Variants in CFHR3 observed in about 807,000 individuals in gnomAD.
The protein encoded by CFHR3 is complement factor H-related protein 3.
Under a neutral mutation model 36.0 loss-of-function variants are expected in CFHR3, and 22 were observed. The observed-to-expected ratio is 0.61, with a 90% CI of 0.44 to 0.87. CFHR3 has a LOEUF of 0.87. Among genes scored for constraint, CFHR3 ranks in the 40% least tolerant of loss-of-function variants. The pLI is 0.00. For synonymous variants in CFHR3, 97 were observed against 137.4 expected (o/e 0.71, Z 2.06); for missense variants, 276 against 401.3 (o/e 0.69, Z 2.67).
In CFHR3 at chr1:196,781,085, AAT is replaced by A. The variant is rs1409168350; in HGVS notation, c.430+1113_430+1114del. ...TTTGTCCTTGTGATAGTTTACTGAG[AAT>A]GGTGATTTCCAGTTTCATCCATGTC... On this transcript the variant is annotated intron_variant, in intron 3 of 5. Transcript: ENST00000367425. 4.5e-5 allele frequency among the ~76,000 whole-genome samples: 6 copies of A among 131,944 alleles called. 1 individual carries two copies. The highest frequency in any genetic ancestry group is 2.0e-4 in the African/African-American group (6 of 30,630). 86.6% of individuals were successfully genotyped at this position (131,944 alleles called of 152,430 possible). A position where few individuals can be genotyped will look rare whatever the true frequency, so the allele number is the denominator to read the frequency against.
chr1:196,784,855 G>T (rs1287821307), intron 3 of CFHR3, among the ~76,000 whole-genome samples: 1 of 134,012 alleles, frequency 7.5e-6, no homozygotes, highest in Non-Finnish European at 1.6e-5. Context: ...TATGATGTTA[G>T]CTGGTTATTT....
At chr1:196,783,974 A>C (rs1243935075) in intron 3 of CFHR3, among the ~76,000 whole-genome samples, 5 of 134,606 alleles carry the variant, frequency 3.7e-5, no homozygotes, top group Admixed American at 3.6e-4. Flanking sequence ...ACTGCTTTGA[A>C]TGTGTCCCAT....
Position 196,777,798 on chromosome 1 carries a change from C to T in CFHR3, c.59-1364C>T, listed in dbSNP as rs1377976320. 3.7e-5 allele frequency among the ~76,000 whole-genome samples: 5 copies of T among 133,358 alleles called. 1 individual carries two copies. Among genetic ancestry groups the T allele is most frequent in the Non-Finnish European group, 7.9e-5 (5 of 63,658 alleles). The allele number at this position is 133,358 out of a possible 152,430, so 87.5% of individuals were successfully genotyped here. The stretch of plus-strand genomic sequence containing the variant: ...GGTCAGGAGTTGGAGACCAGCCCGG[C>T]CAACATGATGGAACGCTGTCTCTAC... On this transcript the variant is annotated intron_variant, in intron 1 of 5. Transcript: ENST00000367425.
rs558792755 is a variant in CFHR3 at position 196,789,647 on chromosome 1, C to T, written c.614-398C>T. 18 of 1,433,774 alleles carry T rather than the reference C, an allele frequency of 1.3e-5. 3 individuals carry two copies. Among genetic ancestry groups the T allele is most frequent in the Non-Finnish European group, 1.6e-5 (17 of 1,072,024 alleles). 88.8% of individuals were successfully genotyped at this position (1,433,774 alleles called of 1,614,324 possible). A position where few individuals can be genotyped will look rare whatever the true frequency, so the allele number is the denominator to read the frequency against. On this transcript the variant is annotated intron_variant, in intron 4 of 5. Coordinates refer to ENST00000367425, the MANE Select transcript of CFHR3 (RefSeq NM_021023.6). Reference sequence around the variant, plus strand: ...ACAAATTTAAAAGCGGTTTAAGCTCCGTGACACATTGGACTACGAATGCTA... The same window carrying T: ...ACAAATTTAAAAGCGGTTTAAGCTCTGTGACACATTGGACTACGAATGCTA...
At chr1:196,788,826 G>A (rs1469500880) in intron 4 of CFHR3, 1 of 1,456,360 alleles carries the variant, frequency 6.9e-7, no homozygotes, top group South Asian at 1.3e-5. Context: ...CTGAATTTCT[G>A]CTAGCGTCAG....
At chr1:196,790,735 A>G (rs1298041779) in intron 5 of CFHR3, among the ~76,000 whole-genome samples, 1 of 86,474 alleles carries the variant, frequency 1.2e-5, no homozygotes, top group Non-Finnish European at 2.1e-5. Context: ...AAAAATAAAA[A>G]AATAATAAAT....
chr1:196,781,273 T>G (rs1264446418), intron 3 of CFHR3, among the ~76,000 whole-genome samples: 3 of 135,444 alleles, frequency 2.2e-5, no homozygotes, highest in East Asian at 2.0e-4. Context: ...CGTGTGCATG[T>G]GTCTTTATAG....
At position 196,783,265 on chromosome 1, in the gene CFHR3, T is replaced by A. The variant is rs1166461472; in HGVS notation, c.430+3292T>A. ...TCAAGGATATTGGTCTAAAATTATC[T>A]TTTTTGGTTGTGTCTCTGCCTGGCT... On this transcript the variant is annotated intron_variant, in intron 3 of 5. Transcript: ENST00000367425. Among the ~76,000 whole-genome samples, 3 of 136,688 alleles carry A rather than the reference T, an allele frequency of 2.2e-5. 1 individual carries two copies. Among genetic ancestry groups the A allele is most frequent in the Non-Finnish European group, 4.6e-5 (3 of 64,546 alleles). The allele number at this position is 136,688 out of a possible 152,430, so 89.7% of individuals were successfully genotyped here.
Position 196,787,660 on chromosome 1 carries a change from C to T in CFHR3, c.431-556C>T, listed in dbSNP as rs868048662. On this transcript the variant is annotated intron_variant, in intron 3 of 5. Transcript: ENST00000367425. ...ATTAGAACTTATTTTTGCTATCTTG[C>T]TTGCTTTCTTTTTTCTGCTTACATT... Among the ~76,000 whole-genome samples the T allele has an allele frequency of 8.1e-5, 11 of 136,450 alleles. 2 individuals carry two copies. The South Asian group carries it at 1.5e-3, about 19-fold the overall frequency. 89.5% of individuals were successfully genotyped at this position (136,450 alleles called of 152,430 possible).
chr1:196,787,763 G>A lies in CFHR3; in HGVS notation c.431-453G>A, dbSNP rs1475239375. On this transcript the variant is annotated intron_variant, in intron 3 of 5. Coordinates refer to ENST00000367425, the MANE Select transcript of CFHR3 (RefSeq NM_021023.6). ...ATGACAACCATTTTAAATTCTTGGA[G>A]ACAAAGGATTTACAAAATTACTTTC... 4.4e-5 allele frequency among the ~76,000 whole-genome samples: 6 copies of A among 137,084 alleles called. 2 individuals are homozygous for A. The highest frequency in any genetic ancestry group is 1.8e-4 in the African/African-American group (6 of 32,762). 89.9% of individuals were successfully genotyped at this position (137,084 alleles called of 152,430 possible). A position where few individuals can be genotyped will look rare whatever the true frequency, so the allele number is the denominator to read the frequency against.
intron 5 of CFHR3, 93 bp from the exon 6 acceptor site, chr1:196,793,224 A>G: frequency 1.8e-6 from 2 of 1,139,938 alleles, no homozygotes; most frequent in Non-Finnish European, 2.4e-6. Context: ...TTATTTTATA[A>G]TTTTATTTTA....
chr1:196,793,535 G>A lies in CFHR3; in HGVS notation c.*22G>A, dbSNP rs1846241. The A allele has an allele frequency of 6.5e-3, 9,777 of 1,507,864 alleles. 1,567 individuals carry two copies. Among genetic ancestry groups the A allele is most frequent in the Non-Finnish European group, 7.4e-3 (8,290 of 1,113,916 alleles). 93.4% of individuals were successfully genotyped at this position (1,507,864 alleles called of 1,614,324 possible). On this transcript the variant is annotated 3_prime_UTR_variant, in exon 6 of 6. Transcript: ENST00000367425. ...ATAAGGCAGCATTGTTACCCTAAAT[G>A]TATGTCCAACTTCCACTTTTCCACT... is the stretch of plus-strand genomic sequence containing the variant.
Position 196,794,940 on chromosome 1 carries a change from T to G in CFHR3, c.*1427T>G, listed in dbSNP as rs1355804702. 1 of 134,238 alleles carries G rather than the reference T, an allele frequency of 7.4e-6. No homozygotes were observed. The highest frequency in any genetic ancestry group is 7.2e-5 in the Admixed American group (1 of 13,798). 8.3% of individuals were successfully genotyped at this position (134,238 alleles called of 1,614,324 possible). On this transcript the variant is annotated 3_prime_UTR_variant, in exon 6 of 6. Transcript: ENST00000367425. ...TTTGGTGGCTAAAGCTAGGAATAAC[T>G]TTTTAAGACTGAAGAATGATATAAG...
chr1:196,777,856 A>G (rs1653788491), intron 1 of CFHR3, among the ~76,000 whole-genome samples: 2 of 131,666 alleles, frequency 1.5e-5, no homozygotes, highest in Admixed American at 1.5e-4. Flanking sequence ...GAGTGGCGGC[A>G]CACACCTGCA....
intron 1 of CFHR3, among the ~76,000 whole-genome samples, chr1:196,778,936 C>A (rs1232753361): frequency 3.7e-5 from 5 of 135,706 alleles, no homozygotes; most frequent in African/African-American, 9.3e-5. Context: ...GATTTGGGAT[C>A]CATTAAGGAT....
rs1398451256 is a variant in CFHR3 at position 196,779,052 on chromosome 1, T to A, written c.59-110T>A. The A allele has an allele frequency of 3.7e-5, 33 of 883,264 alleles. 3 individuals are homozygous for A. The Admixed American group carries it at 7.1e-4, about 19-fold the overall frequency. The allele number at this position is 883,264 out of a possible 1,614,324, so 54.7% of individuals were successfully genotyped here. On this transcript the variant is annotated intron_variant, in intron 1 of 5. Transcript: ENST00000367425. Reference sequence around the variant, plus strand: ...GGATCAGGAAACTAGTTATGGTTGCTGTAATTCCACAAGAAAATGTTTGAG... The same window carrying A: ...GGATCAGGAAACTAGTTATGGTTGCAGTAATTCCACAAGAAAATGTTTGAG...
Position 196,780,284 on chromosome 1 carries a change from C to T in CFHR3, c.430+311C>T, listed in dbSNP as rs1653893112. Among the ~76,000 whole-genome samples, 2 of 137,014 alleles carry T rather than the reference C, an allele frequency of 1.5e-5. 1 individual carries two copies. Among genetic ancestry groups the T allele is most frequent in the Admixed American group, 1.4e-4 (2 of 14,204 alleles). 89.9% of individuals were successfully genotyped at this position (137,014 alleles called of 152,430 possible). On this transcript the variant is annotated intron_variant, in intron 3 of 5. Transcript: ENST00000367425. Reference sequence around the variant, plus strand: ...TCTCGGGTAAATACCCGAGGTTCGTCATCTTGCACCAAGAAGATTAAGTAC... The same window carrying T: ...TCTCGGGTAAATACCCGAGGTTCGTTATCTTGCACCAAGAAGATTAAGTAC...
rs571165234 is a variant in CFHR3, at chr1:196,786,877, A to T, written c.431-1339A>T. 2.1e-4 allele frequency among the ~76,000 whole-genome samples: 29 copies of T among 137,484 alleles called. 8 individuals are homozygous for T. In the South Asian group the frequency reaches 5.8e-3, roughly 27 times the overall value. The allele number at this position is 137,484 out of a possible 152,430, so 90.2% of individuals were successfully genotyped here. A position where few individuals can be genotyped will look rare whatever the true frequency, so the allele number is the denominator to read the frequency against. Reference sequence around the variant, plus strand: ...CCCAGAACCTCAGATGGAAATGCAGAAATCACCCGTCTTCTGCGTCGCTCA... The same window carrying T: ...CCCAGAACCTCAGATGGAAATGCAGTAATCACCCGTCTTCTGCGTCGCTCA... On this transcript the variant is annotated intron_variant, in intron 3 of 5. Transcript: ENST00000367425.
In CFHR3 at chr1:196,793,536, T is replaced by A; in HGVS notation, c.*23T>A. 6.6e-7 allele frequency: 1 copy of A among 1,504,110 alleles called. No individual in the cohort carries two copies. The highest frequency in any genetic ancestry group is 1.7e-5 in the African/African-American group (1 of 59,884). The allele number at this position is 1,504,110 out of a possible 1,614,324, so 93.2% of individuals were successfully genotyped here. On this transcript the variant is annotated 3_prime_UTR_variant, in exon 6 of 6. Coordinates refer to ENST00000367425, the MANE Select transcript of CFHR3 (RefSeq NM_021023.6). ...TAAGGCAGCATTGTTACCCTAAATG[T>A]ATGTCCAACTTCCACTTTTCCACTT...
Sources: gnomAD v4.1 joint callset for allele counts (sites outside exome capture counted in the v4.1 genomes callset) on GRCh38, gnomAD v4.1.1 for gene constraint, MANE v1.5 for transcripts, NCBI Gene and HGNC (gene_info 2026-07-23, HGNC 2026-07-21) for gene names.